MTMR9: variants seen among roughly 807,000 people sequenced by gnomAD.
MTMR9 encodes the protein myotubularin related protein 9.
A neutral mutation model predicts 69.5 loss-of-function variants in MTMR9; 39 were observed. That is an observed-to-expected ratio of 0.56 (90% CI 0.43 to 0.73). MTMR9 has a LOEUF of 0.73. MTMR9 is among the 30% of genes least tolerant of loss of function. The probability of loss-of-function intolerance (pLI) is 0.00; values close to 1 mark genes in which losing one functional copy is unlikely to be tolerated. For synonymous variants in MTMR9, 354 were observed against 240.8 expected (o/e 1.47, Z -4.35); for missense variants, 900 against 671.2 (o/e 1.34, Z -3.77).
chr8:11,303,249 A>C (rs946881987), intron 3 of MTMR9, among the ~76,000 whole-genome samples: 2 of 150,384 alleles, frequency 1.3e-5, no homozygotes, highest in African/African-American at 4.9e-5. Context: ...GTGCGACGGG[A>C]TGGAGAGCAC....
chr8:11,328,343 A>G (rs1020972660), downstream of MTMR9, among the ~76,000 whole-genome samples: 1 of 100,048 alleles, frequency 1.0e-5, no homozygotes, highest in East Asian at 3.9e-4. Context: ...CTTTAATACC[A>G]CGTGTGTGTG....
chr8:11,288,250 AT>A lies in MTMR9; in HGVS notation c.182+3182del, dbSNP rs1313124417. Among the ~76,000 whole-genome samples the A allele has an allele frequency of 5.1e-5, 7 of 136,642 alleles. No homozygotes were observed. The South Asian group carries it at 8.6e-4, about 17-fold the overall frequency. The allele number at this position is 136,642 out of a possible 152,430, so 89.6% of individuals were successfully genotyped here. ...TATAATATATAATAATAATAATTAT[AT>A]TATAATAATTATATATTATAATATA... On this transcript the variant is annotated intron_variant, in intron 1 of 9. Coordinates refer to ENST00000221086, the MANE Select transcript of MTMR9 (RefSeq NM_015458.4).
chr8:11,319,944 C>G, intron 9 of MTMR9, 106 bp downstream of exon 9: 1 of 1,092,164 alleles, frequency 9.2e-7, no homozygotes, highest in South Asian at 1.7e-5. Flanking sequence ...TGGACGTGGC[C>G]CTCAGACCTG....
chr8:11,319,951 C>G, intron 9 of MTMR9, 113 bp downstream of exon 9: 1 of 1,004,306 alleles, frequency 1.0e-6, no homozygotes, highest in South Asian at 1.9e-5. Flanking sequence ...GGCCCTCAGA[C>G]CTGTGTGAAT....
At chr8:11,314,069 G>A (rs139938117) in intron 6 of MTMR9, among the ~76,000 whole-genome samples, 47 of 152,358 alleles carry the variant, frequency 3.1e-4, no homozygotes, top group Non-Finnish European at 5.7e-4. Flanking sequence ...GGATACGAGT[G>A]TAGAATAAGA....
intron 1 of MTMR9, among the ~76,000 whole-genome samples, chr8:11,287,881 CAT>C (rs1248517561): frequency 0.019 from 2,224 of 117,604 alleles, 60 homozygotes; most frequent in African/African-American, 0.067. Flanking sequence ...TAATATATAA[CAT>C]ATATAATACG....
chr8:11,331,118 T>C, downstream of MTMR9: 1 of 1,595,766 alleles, frequency 6.3e-7, no homozygotes, highest in Non-Finnish European at 8.5e-7. Flanking sequence ...TGGCTGGCAG[T>C]CACCCCTACT....
rs984786858 is a variant in MTMR9 at position 11,326,727 on chromosome 8, T to G, written c.*3939T>G. On this transcript the variant is annotated 3_prime_UTR_variant, in exon 10 of 10. Transcript: ENST00000221086. ...GGCTTACGCCTGTAATCCCAGCACTTTGGGAGGCCAAGGCGGGCGGATCAT... is the reference window on the plus strand; with the variant it reads ...GGCTTACGCCTGTAATCCCAGCACTGTGGGAGGCCAAGGCGGGCGGATCAT... 2.0e-5 allele frequency: 3 copies of G among 152,290 alleles called. No individual in the cohort carries two copies. The highest frequency in any genetic ancestry group is 7.2e-5 in the African/African-American group (3 of 41,452). 9.4% of individuals were successfully genotyped at this position (152,290 alleles called of 1,614,324 possible). A position where few individuals can be genotyped will look rare whatever the true frequency, so the allele number is the denominator to read the frequency against.
At chr8:11,285,195 T>A in intron 1 of MTMR9, 125 bp downstream of exon 1, 1 of 952,674 alleles carries the variant, frequency 1.0e-6, no homozygotes, top group Non-Finnish European at 1.5e-6. Context: ...GAGCCCTCTG[T>A]GGCCTAGAAT....
chr8:11,320,237 T>TA, intron 9 of MTMR9: 1 of 160,184 alleles, frequency 6.2e-6, no homozygotes, highest in Admixed American at 6.3e-5. Context: ...ATTAAAGAGT[T>TA]ACATGGCTGG....
intron 5 of MTMR9, 68 bp from the exon 6 acceptor site, chr8:11,309,458 TC>T (rs1454819855): frequency 7.2e-7 from 1 of 1,382,584 alleles, no homozygotes; most frequent in East Asian, 2.3e-5. Context: ...GGAGGCTGAA[TC>T]TTTGGTTTGG....
chr8:11,315,279 C>T (rs553157294), intron 7 of MTMR9, among the ~76,000 whole-genome samples: 1 of 152,282 alleles, frequency 6.6e-6, no homozygotes, highest in East Asian at 1.9e-4. Context: ...TAGGAAACTC[C>T]TGTTGGCTGT....
rs753575165 is a variant in MTMR9 at position 11,306,331 on chromosome 8, A to G, written c.733A>G (p.Thr245Ala). Reference sequence around the variant, plus strand: ...CCGATCCCTGAACGTGGCTCAGCAAACTAGAGCCAAAGGAGGTGGCTTTGA... The same window carrying G: ...CCGATCCCTGAACGTGGCTCAGCAAGCTAGAGCCAAAGGAGGTGGCTTTGA... ...DTRSLNVAQQ[T>A]RAKGGGFEQE... The change falls in exon 5 of 10, where the codon ACT becomes GCT. Residue 245 changes from threonine (T) to alanine (A), a missense_variant. By Grantham distance (58) the Thr-to-Ala change is moderately conservative. Transcript: ENST00000221086. 6.2e-7 allele frequency: 1 copy of G among 1,614,082 alleles called. No individual in the cohort carries two copies. Among genetic ancestry groups the G allele is most frequent in the South Asian group, 1.1e-5 (1 of 91,080 alleles).
intron 3 of MTMR9, among the ~76,000 whole-genome samples, chr8:11,303,619 G>A (rs191717094): frequency 2.6e-5 from 4 of 152,074 alleles, no homozygotes; most frequent in East Asian, 3.9e-4. Context: ...CTGTGGCCTC[G>A]ACTTCCTGGG....
chr8:11,285,293 G>T, intron 1 of MTMR9: 1 of 466,396 alleles, frequency 2.1e-6, no homozygotes, highest in Non-Finnish European at 3.8e-6. Flanking sequence ...CGTGTGGCTG[G>T]TACCATCCTG....
In MTMR9 at chr8:11,322,612, C is replaced by T. The variant is rs2117466758; in HGVS notation, c.1487-13C>T. 2 of 1,610,810 alleles carry T rather than the reference C, an allele frequency of 1.2e-6. No individual in the cohort carries two copies. The highest frequency in any genetic ancestry group is 1.7e-6 in the Non-Finnish European group (2 of 1,178,312). ...CCTTTCTTGCTTCTGTTTTCCATTC[C>T]TGGATTCAATAGGTATTTTCCTACG... On this transcript the variant is annotated splice_polypyrimidine_tract_variant and intron_variant, in intron 9 of 9. Transcript: ENST00000221086.
In MTMR9 at chr8:11,285,035, GCTC is replaced by G; in HGVS notation, c.152_154del (p.Leu51del). 1.2e-6 allele frequency: 2 copies of G among 1,611,736 alleles called. No individual in the cohort carries two copies. Among genetic ancestry groups the G allele is most frequent in the Non-Finnish European group, 1.7e-6 (2 of 1,178,930 alleles). On this transcript the variant is annotated inframe_deletion, in exon 1 of 10. Transcript: ENST00000221086. ...GGCAGGACAATACGGAGGAGCTGTGGCTCCTCCATTCAAACATCGACGCCATCG... is the reference window on the plus strand; with the variant it reads ...GGCAGGACAATACGGAGGAGCTGTGGCTCCATTCAAACATCGACGCCATCG...
chr8:11,316,949 T>G, intron 8 of MTMR9, 56 bp downstream of exon 8: 14 of 1,202,906 alleles, frequency 1.2e-5, no homozygotes, highest in African/African-American at 3.1e-5. Context: ...GGCTACTTCC[T>G]AAGTAGCCAG....
chr8:11,287,615 C>A (rs766422712), intron 1 of MTMR9, among the ~76,000 whole-genome samples: 2 of 148,826 alleles, frequency 1.3e-5, no homozygotes, highest in African/African-American at 2.5e-5. Flanking sequence ...TGCTTAGGTA[C>A]TGGCCAGGGA....
Sources: gnomAD v4.1 joint callset for allele counts (sites outside exome capture counted in the v4.1 genomes callset) on GRCh38, gnomAD v4.1.1 for gene constraint, MANE v1.5 for transcripts, NCBI Gene and HGNC (gene_info 2026-07-23, HGNC 2026-07-21) for gene names.